The following PRKCB variants were observed in gnomAD, a reference collection of about 807,000 sequenced individuals.
PRKCB encodes the protein protein kinase C beta.
In PRKCB, 13 loss-of-function variants were observed where a neutral mutation model predicts 81.5. That is an observed-to-expected ratio of 0.16 (90% CI 0.10 to 0.25). The LOEUF (loss-of-function observed/expected upper bound fraction) is 0.25, where lower values mean the gene tolerates loss of function less well. Among genes scored for constraint, PRKCB ranks in the 10% least tolerant of loss-of-function variants. The pLI is 1.00. For synonymous variants in PRKCB, 335 were observed against 321.4 expected (o/e 1.04, Z -0.45); for missense variants, 509 against 875.7 (o/e 0.58, Z 5.29).
At chr16:24,209,370 G>A (rs763559530) in intron 16 of PRKCB, among the ~76,000 whole-genome samples, 10 of 152,038 alleles carry the variant, frequency 6.6e-5, no homozygotes, top group Non-Finnish European at 1.2e-4. Context: ...GTCTCTCCCC[G>A]ATGCCACGGC....
intron 12 of PRKCB, among the ~76,000 whole-genome samples, chr16:24,180,513 TC>T (rs1967601172): frequency 6.6e-6 from 1 of 152,236 alleles, no homozygotes; most frequent in South Asian, 2.1e-4. Context: ...TGCTTAACTT[TC>T]TGTGGATCTC....
chr16:23,978,322 GCATCACT>G (rs1334034053), intron 2 of PRKCB, among the ~76,000 whole-genome samples: 1 of 152,158 alleles, frequency 6.6e-6, no homozygotes, highest in Non-Finnish European at 1.5e-5. Flanking sequence ...CACCAGCCTT[GCATCACT>G]CAGTCACAGG....
intron 2 of PRKCB, among the ~76,000 whole-genome samples, chr16:23,915,972 T>A (rs1963731205): frequency 6.6e-6 from 1 of 152,202 alleles, no homozygotes; most frequent in East Asian, 1.9e-4. Flanking sequence ...AGAAATCTGC[T>A]TTTTACCCTA....
chr16:24,113,610 GTCTC>G (rs1330096307), intron 8 of PRKCB, among the ~76,000 whole-genome samples: 1 of 133,344 alleles, frequency 7.5e-6, no homozygotes, highest in African/African-American at 2.9e-5. Context: ...CCTCTCTCTT[GTCTC>G]TCTCTTCTTT....
intron 2 of PRKCB, 115 bp downstream of exon 2, chr16:23,837,521 C>T (rs936780840): frequency 6.9e-5 from 91 of 1,315,120 alleles, no homozygotes; most frequent in Non-Finnish European, 8.8e-5. Flanking sequence ...TCGGAGTGAC[C>T]TCCCAGGCTA....
chr16:24,090,100 C>G (rs1047353838), intron 5 of PRKCB, among the ~76,000 whole-genome samples: 2 of 152,020 alleles, frequency 1.3e-5, no homozygotes, highest in Admixed American at 1.3e-4. Flanking sequence ...TATTTTGTCC[C>G]CTATATCCCC....
intron 2 of PRKCB, among the ~76,000 whole-genome samples, chr16:23,966,807 G>A (rs1464034911): frequency 6.6e-6 from 1 of 152,102 alleles, no homozygotes; most frequent in African/African-American, 2.4e-5. Context: ...TCTGCATCTG[G>A]GGACACAGCA....
chr16:24,114,813 T>G (rs435793), intron 8 of PRKCB, among the ~76,000 whole-genome samples: 80,639 of 151,844 alleles, frequency 0.53, 21,931 homozygotes, highest in East Asian at 0.76. Context: ...AAAATGAAAT[T>G]AATTTTTATT....
intron 2 of PRKCB, among the ~76,000 whole-genome samples, chr16:23,974,105 G>A (rs1457556861): frequency 6.6e-6 from 1 of 152,108 alleles, no homozygotes; most frequent in East Asian, 1.9e-4. Context: ...GATAATTAGG[G>A]GCTAGACTGA....
chr16:24,015,497 G>A (rs1233531759), intron 3 of PRKCB, among the ~76,000 whole-genome samples: 1 of 152,240 alleles, frequency 6.6e-6, no homozygotes, highest in Non-Finnish European at 1.5e-5. Flanking sequence ...AGCAGGTGGA[G>A]GTGGGGTGGT....
chr16:24,025,120 C>T (rs1001098247), intron 3 of PRKCB, among the ~76,000 whole-genome samples: 10 of 152,178 alleles, frequency 6.6e-5, no homozygotes, highest in African/African-American at 2.4e-4. Context: ...CTGCAACTTG[C>T]CGATTGGTTT....
intron 2 of PRKCB, among the ~76,000 whole-genome samples, chr16:23,911,445 A>C (rs1963651984): frequency 6.6e-6 from 1 of 151,916 alleles, no homozygotes; most frequent in Admixed American, 6.6e-5. Flanking sequence ...TTGTATAAGC[A>C]TGTTTTCAAT....
At chr16:24,108,835 G>A (rs1174425825) in intron 7 of PRKCB, among the ~76,000 whole-genome samples, 1 of 151,958 alleles carries the variant, frequency 6.6e-6, no homozygotes, top group Non-Finnish European at 1.5e-5. Context: ...AGCCGCCATT[G>A]TCATCCTGGC....
intron 9 of PRKCB, among the ~76,000 whole-genome samples, chr16:24,124,434 G>A (rs1297708146): frequency 6.6e-6 from 1 of 152,128 alleles, no homozygotes; most frequent in Non-Finnish European, 1.5e-5. Flanking sequence ...TGAGGAGTTT[G>A]GGTTTCACTC....
intron 9 of PRKCB, among the ~76,000 whole-genome samples, chr16:24,144,010 T>C (rs941590057): frequency 6.6e-6 from 1 of 152,234 alleles, no homozygotes. Flanking sequence ...ACCTAAGTTC[T>C]AGAGAAAGCT....
chr16:23,873,210 GA>G (rs1304675240), intron 2 of PRKCB, among the ~76,000 whole-genome samples: 17 of 124,524 alleles, frequency 1.4e-4, no homozygotes, highest in South Asian at 5.9e-4. Flanking sequence ...AAAAAAAAAA[GA>G]AAAAAAAAGT....
At chr16:24,080,146 CAGGA>C (rs1014714593) in intron 5 of PRKCB, among the ~76,000 whole-genome samples, 1 of 152,066 alleles carries the variant, frequency 6.6e-6, no homozygotes, top group Non-Finnish European at 1.5e-5. Context: ...AGACCACAGG[CAGGA>C]AACCAATGAG....
intron 3 of PRKCB, among the ~76,000 whole-genome samples, chr16:24,008,790 A>G (rs1030838916): frequency 2.4e-4 from 37 of 152,188 alleles, no homozygotes; most frequent in South Asian, 6.2e-4. Context: ...GAGACAGCAG[A>G]TCTCTGGGGC....
chr16:24,078,667 C>T (rs1456849402), intron 5 of PRKCB, among the ~76,000 whole-genome samples: 1 of 152,162 alleles, frequency 6.6e-6, no homozygotes, highest in Non-Finnish European at 1.5e-5. Context: ...TGACATTGTC[C>T]ACACCACTGG....
Sources: gnomAD v4.1 joint callset for allele counts (sites outside exome capture counted in the v4.1 genomes callset) on GRCh38, gnomAD v4.1.1 for gene constraint, MANE v1.5 for transcripts, NCBI Gene and HGNC (gene_info 2026-07-23, HGNC 2026-07-21) for gene names.